HSPA4L: variants seen among roughly 807,000 people sequenced by gnomAD.
The protein encoded by HSPA4L is heat shock 70 kDa protein 4L.
In HSPA4L, 48 loss-of-function variants were observed where a neutral mutation model predicts 100.3. The ratio of observed to expected loss-of-function variants is 0.48; its 90% CI spans 0.38 to 0.61. HSPA4L has a LOEUF of 0.61. Among genes scored for constraint, HSPA4L ranks in the 20% least tolerant of loss-of-function variants. The pLI is 0.00. For synonymous variants in HSPA4L, 319 were observed against 328.2 expected (o/e 0.97, Z 0.30); for missense variants, 886 against 988.6 (o/e 0.90, Z 1.39).
chr4:127,804,608 A>AACACACACACACACACACAC (rs56013070), intron 8 of HSPA4L, among the ~76,000 whole-genome samples: 2 of 144,316 alleles, frequency 1.4e-5, no homozygotes, highest in African/African-American at 5.2e-5. Context: ...TCTGTCTCAA[A>AACACACACACACACACACAC]ACACACACAC....
At chr4:127,825,006 G>A (rs1333143722) in intron 16 of HSPA4L, among the ~76,000 whole-genome samples, 1 of 152,088 alleles carries the variant, frequency 6.6e-6, no homozygotes, top group Non-Finnish European at 1.5e-5. Context: ...TGAGCGTGGT[G>A]GCGGGCACCT....
chr4:127,821,589 C>G (rs1733815524), intron 14 of HSPA4L, among the ~76,000 whole-genome samples: 1 of 152,068 alleles, frequency 6.6e-6, no homozygotes, highest in Admixed American at 6.6e-5. Context: ...AACTACATTT[C>G]ACAGGTGAGG....
chr4:127,830,894 C>G, intron 18 of HSPA4L, 95 bp downstream of exon 18: 1 of 752,146 alleles, frequency 1.3e-6, no homozygotes, highest in South Asian at 3.7e-5. Context: ...TGCAGAAGAA[C>G]TTAGAACAGA....
intron 6 of HSPA4L, among the ~76,000 whole-genome samples, chr4:127,802,706 T>A (rs1328492965): frequency 2.0e-5 from 3 of 152,322 alleles, no homozygotes; most frequent in South Asian, 2.1e-4. Context: ...GCTATAGCCC[T>A]TCTTCCAAAA....
intron 5 of HSPA4L, 36 bp from the exon 6 acceptor site, chr4:127,801,749 G>T: frequency 6.5e-7 from 1 of 1,546,712 alleles, no homozygotes; most frequent in Admixed American, 1.9e-5. Flanking sequence ...AGTAATTACT[G>T]TGCTAGAATT....
At chr4:127,785,563 G>A (rs185572413) in intron 1 of HSPA4L, among the ~76,000 whole-genome samples, 85 of 151,826 alleles carry the variant, frequency 5.6e-4, no homozygotes, top group Middle Eastern at 3.4e-3. Flanking sequence ...TCAGCCTCCC[G>A]AGTAGCTGGA....
Position 127,820,490 on chromosome 4 carries a change from T to G in HSPA4L, c.1737T>G (p.Ser579Arg), listed in dbSNP as rs760641819. 50 of 1,602,914 alleles carry G rather than the reference T, an allele frequency of 3.1e-5. No individual in the cohort carries two copies. The highest frequency in any genetic ancestry group is 4.2e-5 in the Non-Finnish European group (49 of 1,175,396). Residue 579 changes from serine to arginine, a missense_variant, in exon 14 of 19, where the codon AGT becomes AGG. Physicochemically the swap from Ser to Arg is moderately radical, Grantham distance 110. Coordinates refer to ENST00000296464, the MANE Select transcript of HSPA4L (RefSeq NM_014278.4). The stretch of plus-strand genomic sequence containing the variant: ...CACTTAAAAAAGGAAAAGTCAAAAG[T>G]ATTGATCTACCGATCCAGAGTAGCC... ...NQTLKKGKVKSIDLPIQSSLC... is the reference protein window; with the variant it reads ...NQTLKKGKVKRIDLPIQSSLC...
intron 4 of HSPA4L, among the ~76,000 whole-genome samples, chr4:127,800,400 T>C (rs769836039): frequency 6.6e-6 from 1 of 152,102 alleles, no homozygotes; most frequent in Non-Finnish European, 1.5e-5. Context: ...CCCAGGAGTT[T>C]AAAGCTGCAG....
chr4:127,811,395 A>G (rs1288650032), intron 11 of HSPA4L, 42 bp from the exon 12 acceptor site: 2 of 1,429,284 alleles, frequency 1.4e-6, no homozygotes, highest in African/African-American at 2.8e-5. Context: ...GAATAAGTTA[A>G]TCTGAGGCTC....
chr4:127,787,109 T>A (rs1448230459), intron 1 of HSPA4L, among the ~76,000 whole-genome samples: 1 of 152,230 alleles, frequency 6.6e-6, no homozygotes, highest in Admixed American at 6.5e-5. Context: ...TTCCTATTTC[T>A]TTACTAGCAT....
chr4:127,795,965 T>C, intron 3 of HSPA4L, 57 bp downstream of exon 3: 1 of 1,541,266 alleles, frequency 6.5e-7, no homozygotes, highest in African/African-American at 1.4e-5. Context: ...AAACCCAATG[T>C]GATAATATTG....
chr4:127,796,094 A>G (rs911508869), intron 3 of HSPA4L, among the ~76,000 whole-genome samples, 186 bp downstream of exon 3: 1 of 152,134 alleles, frequency 6.6e-6, no homozygotes, highest in African/African-American at 2.4e-5. Context: ...TTTTCATTCA[A>G]ATCACACTAT....
chr4:127,787,934 C>CT (rs1442382917), intron 1 of HSPA4L, among the ~76,000 whole-genome samples: 2 of 151,980 alleles, frequency 1.3e-5, no homozygotes, highest in Non-Finnish European at 2.9e-5. Context: ...TGTGATGAAA[C>CT]TTTATTTACA....
intron 11 of HSPA4L, among the ~76,000 whole-genome samples, 154 bp from the exon 12 acceptor site, chr4:127,811,283 A>G (rs1733521396): frequency 6.6e-6 from 1 of 152,050 alleles, no homozygotes; most frequent in African/African-American, 2.4e-5. Context: ...ATCTGGGGGA[A>G]GTACCTGCCC....
At chr4:127,790,585 G>T (rs1732847192) in intron 1 of HSPA4L, among the ~76,000 whole-genome samples, 1 of 151,976 alleles carries the variant, frequency 6.6e-6, no homozygotes, top group African/African-American at 2.4e-5. Context: ...TCTTTAATTT[G>T]ACCATCACTT....
At chr4:127,806,044 C>T (rs1733348633) in intron 10 of HSPA4L, among the ~76,000 whole-genome samples, 1 of 151,776 alleles carries the variant, frequency 6.6e-6, no homozygotes, top group Non-Finnish European at 1.5e-5. Context: ...ATAAAAAAGA[C>T]CTGCATTTGT....
At chr4:127,821,549 C>T (rs544202832) in intron 14 of HSPA4L, among the ~76,000 whole-genome samples, 2 of 152,224 alleles carry the variant, frequency 1.3e-5, no homozygotes, top group Non-Finnish European at 2.9e-5. Flanking sequence ...TTTTTACCCT[C>T]AAACCTATGA....
Position 127,813,370 on chromosome 4 carries a change from T to C in HSPA4L, c.1578+1734T>C, listed in dbSNP as rs1001552862. On this transcript the variant is annotated intron_variant, in intron 12 of 18. Transcript: ENST00000296464. ...TTCAACCACTAGACTTTAAACTACT[T>C]CATTTAAGGACTGTGGCTTTTTCTT... The C allele has an allele frequency of 1.1e-5, 6 of 570,328 alleles. No homozygotes were observed. The African/African-American group carries it at 1.1e-4, about 11-fold the overall frequency. 35.3% of individuals were successfully genotyped at this position (570,328 alleles called of 1,614,324 possible).
chr4:127,800,583 T>C (rs1467237077), intron 4 of HSPA4L, among the ~76,000 whole-genome samples: 2 of 152,228 alleles, frequency 1.3e-5, no homozygotes, highest in African/African-American at 4.8e-5. Flanking sequence ...ACAAGTTCCC[T>C]ACAATATAGT....
Sources: allele counts gnomAD v4.1 joint callset (sites outside exome capture counted in the v4.1 genomes callset), GRCh38; gene constraint gnomAD v4.1.1; transcripts MANE v1.5; gene names NCBI Gene and HGNC (gene_info 2026-07-23, HGNC 2026-07-21).